Variants in KIF26B observed in about 807,000 individuals in gnomAD.
The protein encoded by KIF26B is kinesin-like protein KIF26B.
A neutral mutation model predicts 151.2 loss-of-function variants in KIF26B; 63 were observed. The ratio of observed to expected loss-of-function variants is 0.42; its 90% confidence interval spans 0.34 to 0.51. KIF26B has a LOEUF of 0.51. Among genes scored for constraint, KIF26B ranks in the 20% least tolerant of loss-of-function variants. The probability of loss-of-function intolerance (pLI) is 0.07; values close to 1 mark genes in which losing one functional copy is unlikely to be tolerated. For missense variants in KIF26B, 2,813 were observed against 2,913.6 expected (o/e 0.97, Z 0.79); for synonymous variants, 1,357 against 1,262.1 (o/e 1.08, Z -1.59).
At chr1:245,607,168 G>A (rs921080273) in intron 6 of KIF26B, among the ~76,000 whole-genome samples, 2 of 151,968 alleles carry the variant, frequency 1.3e-5, no homozygotes, top group African/African-American at 4.8e-5. Flanking sequence ...TTGCTTACGT[G>A]AGAACTACGG....
chr1:245,433,193 C>T (rs934288153), intron 4 of KIF26B, among the ~76,000 whole-genome samples: 2 of 151,932 alleles, frequency 1.3e-5, no homozygotes, highest in African/African-American at 2.4e-5. Context: ...GAGCCGTGTG[C>T]GGCGGCTCCC....
chr1:245,401,320 C>T (rs757431866), intron 3 of KIF26B, among the ~76,000 whole-genome samples: 7 of 152,168 alleles, frequency 4.6e-5, no homozygotes, highest in South Asian at 2.1e-4. Flanking sequence ...CAGCCATAAG[C>T]ATCTGTGTTC....
chr1:245,538,401 G>A (rs1285535144), intron 4 of KIF26B, among the ~76,000 whole-genome samples: 1 of 151,854 alleles, frequency 6.6e-6, no homozygotes, highest in Non-Finnish European at 1.5e-5. Context: ...ATGTCTATGT[G>A]CTGTTGGGAA....
At chr1:245,388,288 C>G (rs564908037) in intron 3 of KIF26B, among the ~76,000 whole-genome samples, 1 of 152,182 alleles carries the variant, frequency 6.6e-6, no homozygotes, top group South Asian at 2.1e-4. Context: ...ATACTTCTTC[C>G]TGGATGGAAG....
chr1:245,535,974 G>C (rs1258988299), intron 4 of KIF26B, among the ~76,000 whole-genome samples: 1 of 152,192 alleles, frequency 6.6e-6, no homozygotes, highest in African/African-American at 2.4e-5. Context: ...TAATAGTGAT[G>C]ATGATGATGA....
intron 4 of KIF26B, among the ~76,000 whole-genome samples, chr1:245,459,638 G>T (rs1241979138): frequency 6.6e-6 from 1 of 152,234 alleles, no homozygotes; most frequent in African/African-American, 2.4e-5. Flanking sequence ...TGACCGAGGT[G>T]TGAAGAATCT....
chr1:245,592,838 G>A (rs1482093749), intron 5 of KIF26B, among the ~76,000 whole-genome samples: 1 of 152,180 alleles, frequency 6.6e-6, no homozygotes, highest in Non-Finnish European at 1.5e-5. Context: ...CAGAGTCTCT[G>A]GGGTCCTTTC....
intron 12 of KIF26B, among the ~76,000 whole-genome samples, chr1:245,690,386 G>A (rs993013662): frequency 3.9e-5 from 6 of 152,140 alleles, no homozygotes; most frequent in African/African-American, 1.4e-4. Flanking sequence ...TAAAAGATGG[G>A]GTGAGACACA....
At position 245,601,202 on chromosome 1, in the gene KIF26B, GGATCTCCACGGA is replaced by G. The variant is rs151323355; in HGVS notation, c.1351-1372_1351-1361del. 4.4e-3 allele frequency among the ~76,000 whole-genome samples: 670 copies of G among 151,582 alleles called. 9 individuals are homozygous for G. Among genetic ancestry groups the G allele is most frequent in the African/African-American group, 0.016 (643 of 41,290 alleles). On this transcript the variant is annotated intron_variant, in intron 5 of 14. Transcript: ENST00000407071. The surrounding 1 kb of genome is among the most constrained non-coding windows in gnomAD (Gnocchi z 4.4). ...TCCTTCTACTGGGACACTGGCTTCC[GGATCTCCACGGA>G]GAACTGTTCTTAAGTTAGAAGGCAA...
At chr1:245,485,800 G>A (rs1289169024) in intron 4 of KIF26B, among the ~76,000 whole-genome samples, 1 of 152,250 alleles carries the variant, frequency 6.6e-6, no homozygotes, top group Non-Finnish European at 1.5e-5. Flanking sequence ...TGCAGGGCAA[G>A]GCTTTCAGAG....
chr1:245,197,227 ATTC>A (rs758268741), intron 2 of KIF26B, among the ~76,000 whole-genome samples: 18 of 152,202 alleles, frequency 1.2e-4, no homozygotes, highest in Non-Finnish European at 2.1e-4. Context: ...TCCTGCTTCT[ATTC>A]TTGTAATCCT....
chr1:245,268,496 A>C (rs1171776738), intron 2 of KIF26B, among the ~76,000 whole-genome samples: 21 of 146,356 alleles, frequency 1.4e-4, no homozygotes, highest in African/African-American at 5.0e-4. Flanking sequence ...AATAATAATA[A>C]TAATAATAAT....
chr1:245,341,917 T>TC (rs1672342191), intron 2 of KIF26B, among the ~76,000 whole-genome samples: 2 of 152,112 alleles, frequency 1.3e-5, no homozygotes, highest in Admixed American at 6.5e-5. Context: ...CCCATCTCCC[T>TC]CCCCCTTAAG....
At chr1:245,388,686 C>T (rs944403918) in intron 3 of KIF26B, among the ~76,000 whole-genome samples, 1 of 152,120 alleles carries the variant, frequency 6.6e-6, no homozygotes, top group African/African-American at 2.4e-5. Flanking sequence ...GCTAACAGCC[C>T]TTCTCCCATA....
intron 4 of KIF26B, among the ~76,000 whole-genome samples, chr1:245,422,327 C>T (rs998367036): frequency 1.3e-5 from 2 of 152,078 alleles, no homozygotes; most frequent in African/African-American, 4.8e-5. Flanking sequence ...ATGTTATTCT[C>T]ATCATTATTG....
chr1:245,579,688 A>G (rs2043155913), intron 5 of KIF26B, among the ~76,000 whole-genome samples: 1 of 151,434 alleles, frequency 6.6e-6, no homozygotes, highest in African/African-American at 2.4e-5. Flanking sequence ...CAAACAAACA[A>G]ACAAACCAAA....
intron 3 of KIF26B, among the ~76,000 whole-genome samples, chr1:245,378,699 C>T (rs768681934): frequency 2.6e-5 from 4 of 152,112 alleles, no homozygotes; most frequent in Non-Finnish European, 4.4e-5. Context: ...GAAAACAGAT[C>T]GTTTTAGAAA....
chr1:245,370,486 C>T (rs1386797038), intron 3 of KIF26B: 3 of 395,768 alleles, frequency 7.6e-6, no homozygotes, highest in African/African-American at 6.2e-5. Context: ...AGGTGAACAT[C>T]CTTTTACCCA....
intron 2 of KIF26B, chr1:245,225,901 C>G (rs1406006557): frequency 6.6e-6 from 1 of 152,202 alleles, no homozygotes; most frequent in East Asian, 1.9e-4. Context: ...GGTCTGGCTT[C>G]CCTTAAAATG....
Sources: allele counts gnomAD v4.1 joint callset (sites outside exome capture counted in the v4.1 genomes callset), GRCh38; gene constraint gnomAD v4.1.1; non-coding constraint Gnocchi (gnomAD v3.1); transcripts MANE v1.5; gene names NCBI Gene and HGNC (gene_info 2026-07-23, HGNC 2026-07-21).